The following GAS2 variants were observed in gnomAD, a reference collection of about 807,000 sequenced individuals.
The protein encoded by GAS2 is growth arrest specific 2.
GAS2 carries 20 observed loss-of-function variants against 37.5 expected under a neutral mutation model. The observed-to-expected ratio is 0.53, with a 90% CI of 0.37 to 0.77. The LOEUF (loss-of-function observed/expected upper bound fraction) is 0.77, where lower values mean the gene tolerates loss of function less well. GAS2 is among the 30% of genes least tolerant of loss of function. The probability of loss-of-function intolerance (pLI) is 0.00; values close to 1 mark genes in which losing one functional copy is unlikely to be tolerated. For missense variants in GAS2, 336 were observed against 373.4 expected (o/e 0.90, Z 0.82); for synonymous variants, 144 against 132.2 (o/e 1.09, Z -0.61).
intron 7 of GAS2, among the ~76,000 whole-genome samples, chr11:22,773,058 C>G (rs1855069176): frequency 6.6e-6 from 1 of 152,102 alleles, no homozygotes; most frequent in Admixed American, 6.6e-5. Context: ...CTAAGAGGTT[C>G]AGGCTTTATC....
At chr11:22,654,140 C>T (rs1159802098) in intron 1 of GAS2, among the ~76,000 whole-genome samples, 1 of 152,104 alleles carries the variant, frequency 6.6e-6, no homozygotes, top group Non-Finnish European at 1.5e-5. Flanking sequence ...TGATAGAATC[C>T]ATGAGCAAAA....
chr11:22,789,840 G>A (rs1010862334), intron 7 of GAS2, among the ~76,000 whole-genome samples: 1 of 151,904 alleles, frequency 6.6e-6, no homozygotes, highest in African/African-American at 2.4e-5. Flanking sequence ...AGAGATATAC[G>A]GATATATATT....
In GAS2 at chr11:22,812,295, A is replaced by T; in HGVS notation, c.*279A>T. On this transcript the variant is annotated 3_prime_UTR_variant, in exon 8 of 8. Transcript: ENST00000454584. Reference sequence around the variant, plus strand: ...AACACAGTATTTAGAACACAATATTAGAAACACAATTCTAACTAAAGATAA... The same window carrying T: ...AACACAGTATTTAGAACACAATATTTGAAACACAATTCTAACTAAAGATAA... 1 of 297,174 alleles carries T rather than the reference A, an allele frequency of 3.4e-6. No homozygotes were observed. 18.4% of individuals were successfully genotyped at this position (297,174 alleles called of 1,614,324 possible).
chr11:22,805,006 G>A (rs531111713), intron 7 of GAS2, among the ~76,000 whole-genome samples: 39 of 152,136 alleles, frequency 2.6e-4, no homozygotes, highest in African/African-American at 9.4e-4. Context: ...GGAAAGGGAG[G>A]GAAGAGTTTA....
At chr11:22,807,581 G>A (rs550085869) in intron 7 of GAS2, among the ~76,000 whole-genome samples, 2 of 152,284 alleles carry the variant, frequency 1.3e-5, no homozygotes, top group African/African-American at 2.4e-5. Flanking sequence ...AACAGTCAAA[G>A]GGAAATTGTT....
At chr11:22,796,856 C>G (rs1188582023) in intron 7 of GAS2, among the ~76,000 whole-genome samples, 1 of 152,066 alleles carries the variant, frequency 6.6e-6, no homozygotes, top group East Asian at 1.9e-4. Context: ...GTGGCCCTGT[C>G]TGCTTAGTAG....
At chr11:22,747,494 A>G (rs1351407950) in intron 5 of GAS2, among the ~76,000 whole-genome samples, 1 of 152,216 alleles carries the variant, frequency 6.6e-6, no homozygotes, top group Non-Finnish European at 1.5e-5. Flanking sequence ...AATTGGGCTC[A>G]CTAGACTGTT....
chr11:22,628,411 A>C (rs913244811), intron 1 of GAS2, among the ~76,000 whole-genome samples: 1 of 152,186 alleles, frequency 6.6e-6, no homozygotes, highest in Non-Finnish European at 1.5e-5. Flanking sequence ...ATATGAGAAC[A>C]CAAATGTGTG....
intron 3 of GAS2, among the ~76,000 whole-genome samples, chr11:22,712,167 A>G (rs1469166478): frequency 1.3e-5 from 2 of 152,152 alleles, no homozygotes; most frequent in Non-Finnish European, 2.9e-5. Context: ...TAATTCTACC[A>G]CCTGACACAC....
At chr11:22,738,980 C>G (rs965618229) in intron 5 of GAS2, among the ~76,000 whole-genome samples, 1 of 152,016 alleles carries the variant, frequency 6.6e-6, no homozygotes, top group Non-Finnish European at 1.5e-5. Flanking sequence ...TCTATTTACC[C>G]CACACTCTTC....
chr11:22,785,612 G>A (rs1855783022), intron 7 of GAS2, among the ~76,000 whole-genome samples: 1 of 152,120 alleles, frequency 6.6e-6, no homozygotes, highest in Non-Finnish European at 1.5e-5. Flanking sequence ...CAGATTACAA[G>A]TTTTGTGGGG....
intron 7 of GAS2, among the ~76,000 whole-genome samples, chr11:22,757,548 G>A (rs1034943176): frequency 6.6e-6 from 1 of 152,058 alleles, no homozygotes; most frequent in African/African-American, 2.4e-5. Context: ...ACTGTGATGT[G>A]GTTATTCACT....
At chr11:22,658,307 G>A (rs137924878) in intron 1 of GAS2, among the ~76,000 whole-genome samples, 1,589 of 152,212 alleles carry the variant, frequency 0.01, 28 homozygotes, top group East Asian at 0.076. Flanking sequence ...GGGATTACAG[G>A]TGTGAGCCAC....
At chr11:22,650,644 G>T (rs989763879) in intron 1 of GAS2, among the ~76,000 whole-genome samples, 33 of 150,530 alleles carry the variant, frequency 2.2e-4, no homozygotes, top group African/African-American at 8.0e-4. Flanking sequence ...AGCTCTTCTT[G>T]TTGAATTGAT....
intron 3 of GAS2, among the ~76,000 whole-genome samples, chr11:22,698,151 A>C (rs1850633922): frequency 6.6e-6 from 1 of 152,206 alleles, no homozygotes; most frequent in South Asian, 2.1e-4. Flanking sequence ...AAGAGAGAAG[A>C]ATCAAATAGA....
At chr11:22,701,945 A>T (rs1850863676) in intron 3 of GAS2, among the ~76,000 whole-genome samples, 1 of 152,190 alleles carries the variant, frequency 6.6e-6, no homozygotes, top group Non-Finnish European at 1.5e-5. Flanking sequence ...AAGTTAAAAG[A>T]TATAACAGTA....
At chr11:22,800,064 C>T (rs1159636071) in intron 7 of GAS2, among the ~76,000 whole-genome samples, 1 of 152,034 alleles carries the variant, frequency 6.6e-6, no homozygotes, top group Admixed American at 6.6e-5. Flanking sequence ...GGCCTGGGCT[C>T]AGAAGGTAGG....
chr11:22,772,791 T>C (rs1855051401), intron 7 of GAS2, among the ~76,000 whole-genome samples: 1 of 152,172 alleles, frequency 6.6e-6, no homozygotes, highest in African/African-American at 2.4e-5. Flanking sequence ...TTTGATTTGT[T>C]TTTCTTTCTA....
intron 3 of GAS2, chr11:22,702,573 A>G (rs1389217642): frequency 1.3e-5 from 2 of 152,322 alleles, no homozygotes; most frequent in East Asian, 3.9e-4. Flanking sequence ...CAAAAGTAAA[A>G]ATTATTTTAG....
Sources: gnomAD v4.1 joint callset for allele counts (sites outside exome capture counted in the v4.1 genomes callset) on GRCh38, gnomAD v4.1.1 for gene constraint, MANE v1.5 for transcripts, NCBI Gene and HGNC (gene_info 2026-07-23, HGNC 2026-07-21) for gene names.